Variants in GXYLT2 observed in about 807,000 individuals in gnomAD.
GXYLT2 encodes glucoside xylosyltransferase 2.
In GXYLT2, 53 loss-of-function variants were observed where a neutral mutation model predicts 45.8. That is an observed-to-expected ratio of 1.16 (90% CI 0.93 to 1.46). The LOEUF (loss-of-function observed/expected upper bound fraction) is 1.46, where lower values mean the gene tolerates loss of function less well. Among genes scored for constraint, GXYLT2 ranks in the 40% most tolerant of loss-of-function variants. The pLI is 0.00. For missense variants in GXYLT2, 551 were observed against 544.4 expected (o/e 1.01, Z -0.12); for synonymous variants, 219 against 214.2 (o/e 1.02, Z -0.19).
At chr3:72,909,548 C>T (rs1709579323) in intron 2 of GXYLT2, among the ~76,000 whole-genome samples, 1 of 152,132 alleles carries the variant, frequency 6.6e-6, no homozygotes, top group African/African-American at 2.4e-5. Context: ...GTATCATCAG[C>T]ATTGTTCCCA....
Sources: allele counts gnomAD v4.1 joint callset (sites outside exome capture counted in the v4.1 genomes callset), GRCh38; gene constraint gnomAD v4.1.1; transcripts MANE v1.5; gene names NCBI Gene and HGNC (gene_info 2026-07-23, HGNC 2026-07-21).